Variants in ZFHX3 observed in about 807,000 individuals in gnomAD.
ZFHX3 encodes zinc finger homeobox 3, also known as zinc finger homeobox protein 3.
A neutral mutation model predicts 279.1 loss-of-function variants in ZFHX3; 42 were observed. The observed-to-expected ratio is 0.15, with a 90% CI of 0.12 to 0.19. The LOEUF is 0.19. Among genes scored for constraint, ZFHX3 ranks in the 10% least tolerant of loss-of-function variants. The probability of loss-of-function intolerance (pLI) is 1.00; values close to 1 mark genes in which losing one functional copy is unlikely to be tolerated. For synonymous variants in ZFHX3, 2,293 were observed against 1,957.8 expected (o/e 1.17, Z -4.52); for missense variants, 4,981 against 4,754.0 (o/e 1.05, Z -1.40).
intron 8 of ZFHX3, among the ~76,000 whole-genome samples, chr16:73,088,248 C>A (rs986778702): frequency 1.3e-5 from 2 of 152,016 alleles, no homozygotes; most frequent in East Asian, 1.9e-4. Context: ...TGGGCTCAAG[C>A]AATCCTTCCA....
At chr16:73,415,470 G>A (rs1173395406) in intron 3 of ZFHX3, among the ~76,000 whole-genome samples, 12 of 152,166 alleles carry the variant, frequency 7.9e-5, no homozygotes, top group Admixed American at 7.9e-4. Flanking sequence ...CACACACTAT[G>A]GATTCTTCAA....
intron 7 of ZFHX3, among the ~76,000 whole-genome samples, chr16:73,126,271 A>G (rs1374594743): frequency 6.6e-6 from 1 of 152,156 alleles, no homozygotes; most frequent in African/African-American, 2.4e-5. Context: ...AAACTAACAA[A>G]GCAGGGAGCA....
chr16:73,384,988 A>G (rs912960956), intron 3 of ZFHX3, among the ~76,000 whole-genome samples: 1 of 152,134 alleles, frequency 6.6e-6, no homozygotes, highest in Non-Finnish European at 1.5e-5. Flanking sequence ...CTGTGAAAAC[A>G]ATGTTCTCTC....
intron 3 of ZFHX3, among the ~76,000 whole-genome samples, chr16:73,343,452 C>T (rs930037022): frequency 2.6e-5 from 4 of 152,128 alleles, no homozygotes; most frequent in African/African-American, 7.2e-5. Context: ...AGGCCACATG[C>T]GGTGGCTCAC....
intron 2 of ZFHX3, among the ~76,000 whole-genome samples, chr16:73,650,383 T>TA (rs2052659540): frequency 6.6e-6 from 1 of 151,578 alleles, no homozygotes. Context: ...TTCTCTAAAT[T>TA]AAATGGGATC....
chr16:73,778,726 TAC>T (rs1959347988), intron 1 of ZFHX3, among the ~76,000 whole-genome samples: 1 of 152,206 alleles, frequency 6.6e-6, no homozygotes, highest in African/African-American at 2.4e-5. Context: ...TCCAAGAGCT[TAC>T]AGTTTCTTCT....
At chr16:73,110,470 T>C (rs1370350640) in intron 7 of ZFHX3, among the ~76,000 whole-genome samples, 2 of 152,234 alleles carry the variant, frequency 1.3e-5, no homozygotes, top group African/African-American at 2.4e-5. Context: ...TATTATGTAA[T>C]TTTAAAAACA....
At chr16:72,871,109 G>C (rs1722650115) in intron 4 of ZFHX3, among the ~76,000 whole-genome samples, 1 of 152,182 alleles carries the variant, frequency 6.6e-6, no homozygotes, top group Admixed American at 6.6e-5. Flanking sequence ...GAATGCAGGT[G>C]AGAGAATTTT....
intron 3 of ZFHX3, among the ~76,000 whole-genome samples, chr16:73,449,645 T>G (rs962578776): frequency 6.6e-6 from 1 of 152,144 alleles, no homozygotes; most frequent in African/African-American, 2.4e-5. Flanking sequence ...ACAAAATGAA[T>G]GTGGCTTGAG....
At chr16:73,183,884 C>A (rs1414192857) in intron 5 of ZFHX3, among the ~76,000 whole-genome samples, 1 of 151,892 alleles carries the variant, frequency 6.6e-6, no homozygotes, top group Non-Finnish European at 1.5e-5. Flanking sequence ...GCTCTGCTTG[C>A]TGAAAAAATC....
chr16:73,020,497 GA>G (rs1964260678), intron 1 of ZFHX3, among the ~76,000 whole-genome samples: 1 of 152,222 alleles, frequency 6.6e-6, no homozygotes, highest in African/African-American at 2.4e-5. Context: ...GACAGCTTCT[GA>G]AATACACAGA....
chr16:73,003,275 C>G (rs1189584335), intron 1 of ZFHX3, among the ~76,000 whole-genome samples: 1 of 149,944 alleles, frequency 6.7e-6, no homozygotes, highest in Non-Finnish European at 1.5e-5. Flanking sequence ...ATGGAGTTGT[C>G]ACCAGTCCTG....
chr16:73,838,717 A>T (rs1419759683), intron 1 of ZFHX3, among the ~76,000 whole-genome samples: 1 of 152,022 alleles, frequency 6.6e-6, no homozygotes. Context: ...GAGGTTCTGC[A>T]AGTCAACTGC....
intron 5 of ZFHX3, 22 bp downstream of exon 5, chr16:72,829,757 C>T: frequency 6.2e-7 from 1 of 1,613,862 alleles, no homozygotes; most frequent in South Asian, 1.1e-5. Context: ...ACTACCTGTC[C>T]ACTTGCCCTG....
At chr16:73,651,315 G>A (rs906978738) in intron 2 of ZFHX3, among the ~76,000 whole-genome samples, 5 of 151,732 alleles carry the variant, frequency 3.3e-5, no homozygotes, top group African/African-American at 9.7e-5. Context: ...TTTTATGGGA[G>A]TTCTAAAAAG....
At chr16:73,864,439 C>T (rs555027088) in intron 1 of ZFHX3, among the ~76,000 whole-genome samples, 2 of 152,326 alleles carry the variant, frequency 1.3e-5, no homozygotes, top group African/African-American at 4.8e-5. Context: ...AATATGTAGG[C>T]TGGGTCTAGT....
chr16:73,240,138 T>C (rs143052671), intron 5 of ZFHX3, among the ~76,000 whole-genome samples: 26 of 152,262 alleles, frequency 1.7e-4, no homozygotes, highest in South Asian at 1.0e-3. Context: ...TTTACACATG[T>C]GTTTTCTTTG....
chr16:73,505,407 T>C (rs1398516757), intron 2 of ZFHX3, among the ~76,000 whole-genome samples: 1 of 152,102 alleles, frequency 6.6e-6, no homozygotes, highest in East Asian at 1.9e-4. Flanking sequence ...AGCTGATCTC[T>C]TTCCCCCTAC....
At chr16:72,823,828 A>G (rs1293369464) in intron 5 of ZFHX3, among the ~76,000 whole-genome samples, 1 of 152,188 alleles carries the variant, frequency 6.6e-6, no homozygotes, top group Admixed American at 6.5e-5. Flanking sequence ...CACGCAGGTG[A>G]ACTTAGTGGC....
Sources: allele counts gnomAD v4.1 joint callset (sites outside exome capture counted in the v4.1 genomes callset), GRCh38; gene constraint gnomAD v4.1.1; transcripts MANE v1.5; gene names NCBI Gene and HGNC (gene_info 2026-07-23, HGNC 2026-07-21).